DCP1A: variants seen among roughly 807,000 people sequenced by gnomAD.
The protein encoded by DCP1A is decapping mRNA 1A.
DCP1A carries 20 observed loss-of-function variants against 58.0 expected under a neutral mutation model. The ratio of observed to expected loss-of-function variants is 0.34; its 90% confidence interval spans 0.24 to 0.50. DCP1A has a LOEUF of 0.50. Ranked by LOEUF, DCP1A falls within the 20% of genes least tolerant of loss-of-function variation. The pLI is 0.98. For synonymous variants in DCP1A, 285 were observed against 275.1 expected (o/e 1.04, Z -0.36); for missense variants, 613 against 712.2 (o/e 0.86, Z 1.59).
chr3:53,322,467 T>A (rs1442088322), intron 3 of DCP1A, among the ~76,000 whole-genome samples: 1 of 148,794 alleles, frequency 6.7e-6, no homozygotes, highest in East Asian at 1.9e-4. Flanking sequence ...AAAAAAAAAA[T>A]TATATATATA....
chr3:53,298,490 C>T (rs1377930236), intron 6 of DCP1A, among the ~76,000 whole-genome samples: 13 of 152,102 alleles, frequency 8.5e-5, no homozygotes, highest in Non-Finnish European at 1.3e-4. Flanking sequence ...ATGTGGGAGG[C>T]GATATGCTAA....
intron 3 of DCP1A, among the ~76,000 whole-genome samples, chr3:53,340,548 T>C (rs782627210): frequency 4.6e-5 from 7 of 152,168 alleles, no homozygotes; most frequent in African/African-American, 7.2e-5. Flanking sequence ...TTCTATTTTA[T>C]ACTGAAGACA....
In DCP1A at chr3:53,285,983, A is replaced by G. The variant is rs985662615; in HGVS notation, c.*1597T>C. ...CTGCACAATTCACACATAATTAGGT[A>G]GACAGCAATAGAAGACACTAAAATG... On this transcript the variant is annotated 3_prime_UTR_variant, in exon 10 of 10. Transcript: ENST00000610213. 1.3e-5 allele frequency: 2 copies of G among 152,250 alleles called. No homozygotes were observed. The highest frequency in any genetic ancestry group is 2.9e-5 in the Non-Finnish European group (2 of 68,046). The allele number at this position is 152,250 out of a possible 1,614,324, so 9.4% of individuals were successfully genotyped here.
chr3:53,316,021 T>A (rs1446902592), intron 4 of DCP1A, among the ~76,000 whole-genome samples: 1 of 152,160 alleles, frequency 6.6e-6, no homozygotes, highest in Non-Finnish European at 1.5e-5. Flanking sequence ...CCCAAAGCGC[T>A]GGGATTACAG....
intron 6 of DCP1A, among the ~76,000 whole-genome samples, chr3:53,298,653 G>C (rs538221924): frequency 5.2e-4 from 79 of 152,326 alleles, no homozygotes; most frequent in African/African-American, 1.8e-3. Context: ...ACCATATGGA[G>C]ATGTCAATTC....
At chr3:53,319,904 C>T (rs930025582) in intron 3 of DCP1A, among the ~76,000 whole-genome samples, 19 of 151,866 alleles carry the variant, frequency 1.3e-4, no homozygotes, top group Non-Finnish European at 2.8e-4. Flanking sequence ...CTGAGGTGGG[C>T]GGATCACTTG....
Position 53,287,478 on chromosome 3 carries a change from A to G in DCP1A, c.*102T>C. ...AATGAGTCTCTTTCTCATAGGCTCA[A>G]TTTCAGGATTCTCAAACTCAATGTT... On this transcript the variant is annotated 3_prime_UTR_variant, in exon 10 of 10. Transcript: ENST00000610213. 1.4e-6 allele frequency: 1 copy of G among 729,350 alleles called. No homozygotes were observed. The highest frequency in any genetic ancestry group is 2.3e-6 in the Non-Finnish European group (1 of 429,236). 45.2% of individuals were successfully genotyped at this position (729,350 alleles called of 1,614,324 possible).
intron 3 of DCP1A, among the ~76,000 whole-genome samples, chr3:53,331,560 C>A (rs2089004070): frequency 6.6e-6 from 1 of 152,140 alleles, no homozygotes; most frequent in Non-Finnish European, 1.5e-5. Context: ...TAGGCTATGT[C>A]ATTTAGGTTT....
At chr3:53,288,411 C>A (rs957256318) in intron 8 of DCP1A, 128 bp from the exon 9 acceptor site, 5 of 685,974 alleles carry the variant, frequency 7.3e-6, no homozygotes. Context: ...ATTTTGAGTT[C>A]AGGTAAACAT....
At chr3:53,303,536 C>T (rs1289057733) in intron 6 of DCP1A, among the ~76,000 whole-genome samples, 8 of 151,852 alleles carry the variant, frequency 5.3e-5, no homozygotes, top group African/African-American at 1.9e-4. Context: ...AAAGTGCTGG[C>T]GTTATAGGTG....
At chr3:53,294,970 C>T (rs1207135865) in intron 6 of DCP1A, among the ~76,000 whole-genome samples, 1 of 152,204 alleles carries the variant, frequency 6.6e-6, no homozygotes, top group Non-Finnish European at 1.5e-5. Flanking sequence ...CCCATCAGTA[C>T]ATGGCAGACA....
chr3:53,319,554 T>C lies in DCP1A; in HGVS notation c.305-81A>G. 7.1e-6 allele frequency: 6 copies of C among 839,600 alleles called. 1 individual carries two copies. Among genetic ancestry groups the C allele is most frequent in the Non-Finnish European group, 1.1e-5 (6 of 523,704 alleles). 52.0% of individuals were successfully genotyped at this position (839,600 alleles called of 1,614,324 possible). On this transcript the variant is annotated intron_variant, in intron 3 of 9. Transcript: ENST00000610213. The stretch of plus-strand genomic sequence containing the variant: ...GTATGTAAATAATATATTATCATCA[T>C]GGAATTCACTAAATGTACCATCAGA...
intron 3 of DCP1A, among the ~76,000 whole-genome samples, chr3:53,328,538 A>G (rs11707463): frequency 0.29 from 44,469 of 151,906 alleles, 7,519 homozygotes; most frequent in Admixed American, 0.39. Context: ...AAAAAAGATA[A>G]AAAGTGCTTT....
At chr3:53,306,047 T>C (rs115780598) in intron 5 of DCP1A, among the ~76,000 whole-genome samples, 2 of 152,086 alleles carry the variant, frequency 1.3e-5, no homozygotes, top group African/African-American at 4.8e-5. Flanking sequence ...ATGCAAGATA[T>C]GAGATTTTTT....
intron 6 of DCP1A, among the ~76,000 whole-genome samples, chr3:53,296,610 C>T (rs1707135676): frequency 6.6e-6 from 1 of 152,204 alleles, no homozygotes; most frequent in Non-Finnish European, 1.5e-5. Flanking sequence ...ATAAAACTTA[C>T]CATTTTAACC....
At chr3:53,339,612 A>G (rs1553692330) in intron 3 of DCP1A, among the ~76,000 whole-genome samples, 1 of 152,192 alleles carries the variant, frequency 6.6e-6, no homozygotes, top group African/African-American at 2.4e-5. Context: ...CACACGAACT[A>G]TAAAAATATT....
rs1706726106 is a variant in DCP1A at position 53,288,367 on chromosome 3, T to G, written c.1450-84A>C. On this transcript the variant is annotated intron_variant, in intron 8 of 9. Coordinates refer to ENST00000610213, the MANE Select transcript of DCP1A (RefSeq NM_018403.7). ...AATAGGGACCATGTGGAAACAGGCA[T>G]AAGCAGCAGAAGAGTGGAGCACAGA... The G allele has an allele frequency of 6.6e-6, 7 of 1,066,394 alleles. No homozygotes were observed. In the South Asian group the frequency reaches 1.0e-4, roughly 15 times the overall value. 66.1% of individuals were successfully genotyped at this position (1,066,394 alleles called of 1,614,324 possible).
At chr3:53,339,349 T>C (rs1465074817) in intron 3 of DCP1A, among the ~76,000 whole-genome samples, 1 of 152,230 alleles carries the variant, frequency 6.6e-6, no homozygotes, top group African/African-American at 2.4e-5. Flanking sequence ...TTTCAATCAG[T>C]TGAAAATTTT....
chr3:53,334,760 G>A (rs1019500807), intron 3 of DCP1A, among the ~76,000 whole-genome samples: 6 of 152,110 alleles, frequency 3.9e-5, no homozygotes, highest in Admixed American at 1.3e-4. Context: ...GCTTTTACCC[G>A]TCACGCGCTG....
Sources: gnomAD v4.1 joint callset for allele counts (sites outside exome capture counted in the v4.1 genomes callset) on GRCh38, gnomAD v4.1.1 for gene constraint, MANE v1.5 for transcripts, NCBI Gene and HGNC (gene_info 2026-07-23, HGNC 2026-07-21) for gene names.